DENND6B: variants seen among roughly 807,000 people sequenced by gnomAD.
DENND6B encodes DENN domain containing 6B.
DENND6B carries 73 observed loss-of-function variants against 85.1 expected under a neutral mutation model. The ratio of observed to expected loss-of-function variants is 0.86; its 90% CI spans 0.71 to 1.04. DENND6B has a LOEUF of 1.04. Among genes scored for constraint, DENND6B ranks in the 50% least tolerant of loss-of-function variants. DENND6B has a pLI of 0.00. For missense variants in DENND6B, 715 were observed against 785.8 expected, an observed-to-expected ratio of 0.91 and a Z score of 1.08; for synonymous variants, 357 against 329.3, an observed-to-expected ratio of 1.08 and a Z score of -0.91.
chr22:50,322,624 A>G (rs1027610311), intron 1 of DENND6B, among the ~76,000 whole-genome samples: 3 of 152,050 alleles, frequency 2.0e-5, no homozygotes, highest in Non-Finnish European at 4.4e-5. Flanking sequence ...ATCTCCGCTC[A>G]CTGCAACCTT....
intron 9 of DENND6B, 95 bp from the exon 10 acceptor site, chr22:50,315,016 C>A: frequency 2.6e-6 from 4 of 1,525,138 alleles, no homozygotes; most frequent in South Asian, 1.2e-5. Context: ...CTGGCCCAGG[C>A]ACTGGTGAAC....
In DENND6B at chr22:50,326,786, CCGCGCCCGCGCT is replaced by C. The variant is rs1162985402; in HGVS notation, c.177+14_177+25del. ...GAGAGGCGCAGCCCTGCCCACCCGC[CCGCGCCCGCGCT>C]CGCGCCCGCTCACCTCCAGCGCCTG... On this transcript the variant is annotated intron_variant, in intron 1 of 19. Transcript: ENST00000413817. 19 of 1,364,956 alleles carry C rather than the reference CCGCGCCCGCGCT, an allele frequency of 1.4e-5. No homozygotes were observed. Among genetic ancestry groups the C allele is most frequent in the East Asian group, 3.2e-5 (1 of 31,610 alleles). The allele number at this position is 1,364,956 out of a possible 1,614,324, so 84.6% of individuals were successfully genotyped here.
chr22:50,315,581 C>G (rs1428913090), intron 9 of DENND6B, 133 bp downstream of exon 9: 2 of 1,097,598 alleles, frequency 1.8e-6, no homozygotes. Flanking sequence ...TACACACACA[C>G]ACGTGCACAC....
chr22:50,313,705 G>T lies in DENND6B; in HGVS notation c.1223C>A (p.Pro408Gln), dbSNP rs778291480. Residue 408 changes from proline to glutamine, a missense_variant, in exon 15 of 20, where the codon CCG (proline) becomes CAG (glutamine). Pro to Gln is a moderately conservative substitution (Grantham distance 76). Coordinates refer to ENST00000413817, the MANE Select transcript of DENND6B (RefSeq NM_001001794.4). ...RLLKGVQKKRPSDVQSALLRR... is the reference protein window; with the variant it reads ...RLLKGVQKKRQSDVQSALLRR... ...CAGCAGGGCGCTCTGCACATCTGAC[G>T]GCCGCTTCTTCTGCACGCCCTGCAG... The T allele has an allele frequency of 3.1e-6, 5 of 1,601,570 alleles. No individual in the cohort carries two copies. The highest frequency in any genetic ancestry group is 3.4e-5 in the Admixed American group (2 of 58,392).
chr22:50,324,474 G>C (rs542415703), intron 1 of DENND6B, among the ~76,000 whole-genome samples: 1 of 152,328 alleles, frequency 6.6e-6, no homozygotes, highest in African/African-American at 2.4e-5. Flanking sequence ...GCCCAGGCTG[G>C]AGTGCCATGG....
chr22:50,322,852 A>ACT (rs1555941373), intron 1 of DENND6B, among the ~76,000 whole-genome samples: 1 of 140,822 alleles, frequency 7.1e-6, no homozygotes, highest in Non-Finnish European at 1.5e-5. Context: ...GCCCAGCCTT[A>ACT]TTTTTTTTTT....
In DENND6B at chr22:50,314,185, C is replaced by T. The variant is rs2041700031; in HGVS notation, c.1138+22G>A. ...CAGGCCTCTCCACGGTGGAGGGGCT[C>T]CAGGTCGAGGGGAGCACAGACCTGG... On this transcript the variant is annotated intron_variant, in intron 13 of 19. Transcript: ENST00000413817. 1.9e-6 allele frequency: 3 copies of T among 1,592,348 alleles called. No individual in the cohort carries two copies. The East Asian group carries it at 6.7e-5, about 36-fold the overall frequency.
intron 9 of DENND6B, chr22:50,315,138 G>A: frequency 1.4e-6 from 1 of 693,978 alleles, no homozygotes; most frequent in Non-Finnish European, 2.3e-6. Context: ...CCTGGGAATG[G>A]GGGACTCAAC....
chr22:50,324,986 G>A (rs2042152298), intron 1 of DENND6B, among the ~76,000 whole-genome samples: 1 of 152,166 alleles, frequency 6.6e-6, no homozygotes, highest in African/African-American at 2.4e-5. Context: ...GTTGCACAGT[G>A]GGTGCTCCCT....
At chr22:50,314,041 A>G in intron 13 of DENND6B, 163 bp from the exon 14 acceptor site, 1 of 1,254,658 alleles carries the variant, frequency 8.0e-7, no homozygotes, top group Non-Finnish European at 1.1e-6. Context: ...ACCGAGACCC[A>G]CTGAAGAGAA....
At chr22:50,315,835 C>A in intron 8 of DENND6B, 66 bp from the exon 9 acceptor site, 1 of 1,478,776 alleles carries the variant, frequency 6.8e-7, no homozygotes, top group South Asian at 1.4e-5. Flanking sequence ...CCAAGCAGCC[C>A]CTGCCTCACA....
In DENND6B at chr22:50,314,840, G is replaced by T; in HGVS notation, c.840C>A (p.Pro280=). 1.2e-6 allele frequency: 2 copies of T among 1,611,318 alleles called. No individual in the cohort carries two copies. Among genetic ancestry groups the T allele is most frequent in the Admixed American group, 3.3e-5 (2 of 59,792 alleles). Residue 280 remains proline, a synonymous_variant, in exon 10 of 20, where the codon CCC becomes CCA. Transcript: ENST00000413817. ...CCATCTCCGAGGACACGTCGGGCGA[G>T]GGTGCCAGGACTAGCAGGGGCTCCC... ...LLGEPLLVLA[P]SPDVSSEMVL...
Position 50,314,432 on chromosome 22 carries a change from TG to T in DENND6B, c.1039del (p.His347ThrfsTer20). ...FFIKTLQHWP[H>X]ILRVGEPKMS... ...CTTGGGCTCCCCGACTCGGAGGATG[TG>T]GGGCCAGTGCTGGAGTGTTTTGATA... On this transcript the variant is annotated frameshift_variant, in exon 12 of 20. Transcript: ENST00000413817. LOFTEE classifies it high-confidence loss of function. 1 of 1,565,810 alleles carries T rather than the reference TG, an allele frequency of 6.4e-7. No homozygotes were observed. The highest frequency in any genetic ancestry group is 1.9e-5 in the Admixed American group (1 of 52,748).
At chr22:50,317,482 G>A (rs1569203454) in intron 4 of DENND6B, 109 bp from the exon 5 acceptor site, 2 of 1,236,066 alleles carry the variant, frequency 1.6e-6, no homozygotes, top group Non-Finnish European at 2.3e-6. Context: ...TGGAAGGCTG[G>A]AGAACCAGGA....
chr22:50,320,454 T>C (rs1038134513), intron 1 of DENND6B, among the ~76,000 whole-genome samples: 1 of 152,250 alleles, frequency 6.6e-6, no homozygotes, highest in African/African-American at 2.4e-5. Flanking sequence ...CCTCTTCCAA[T>C]GCAGAGTAAG....
intron 1 of DENND6B, among the ~76,000 whole-genome samples, chr22:50,324,095 C>T (rs947681903): frequency 8.5e-5 from 13 of 152,160 alleles, no homozygotes; most frequent in African/African-American, 3.1e-4. Flanking sequence ...CTGACCTGTA[C>T]ACTCCAGTCA....
chr22:50,314,255 C>T lies in DENND6B; in HGVS notation c.1090G>A (p.Val364Ile). Residue 364 changes from valine (V) to isoleucine (I), a missense_variant, in exon 13 of 20, where the codon GTC (valine) becomes ATC (isoleucine). Physicochemically the swap from Val to Ile is conservative, Grantham distance 29. Transcript: ENST00000413817. ...AACCTTGAAGGCTTTTTCAGCTTGA[C>T]TTGCTTAGGCAGGTCTCCTACGAGA... The part of the protein sequence containing the change: ...PKMSGDLPKQ[V>I]KLKKPSRLKT... The T allele has an allele frequency of 6.2e-7, 1 of 1,609,856 alleles. No homozygotes were observed. Among genetic ancestry groups the T allele is most frequent in the Non-Finnish European group, 8.5e-7 (1 of 1,179,366 alleles).
intron 1 of DENND6B, among the ~76,000 whole-genome samples, chr22:50,320,502 C>T (rs555497618): frequency 4.3e-4 from 66 of 152,318 alleles, no homozygotes; most frequent in African/African-American, 1.6e-3. Flanking sequence ...TTCTGCCTCC[C>T]AGCACCTGGC....
chr22:50,313,586 C>T (rs1402862052), intron 15 of DENND6B, 49 bp downstream of exon 15: 3 of 1,507,394 alleles, frequency 2.0e-6, no homozygotes, highest in East Asian at 2.5e-5. Context: ...AACCCCATCC[C>T]CCCAGCCCCG....
Sources: gnomAD v4.1 joint callset for allele counts (sites outside exome capture counted in the v4.1 genomes callset) on GRCh38, gnomAD v4.1.1 for gene constraint, MANE v1.5 for transcripts, NCBI Gene and HGNC (gene_info 2026-07-23, HGNC 2026-07-21) for gene names.